The following NDUFB6 variants were observed in gnomAD, a reference collection of about 807,000 sequenced individuals.
NDUFB6 encodes the protein NADH dehydrogenase [ubiquinone] 1 beta subcomplex subunit 6.
NDUFB6 carries 23 observed loss-of-function variants against 17.5 expected under a neutral mutation model. That is an observed-to-expected ratio of 1.31 (90% CI 0.94 to 1.86). The LOEUF is 1.86. Ranked by LOEUF, NDUFB6 falls within the 40% of genes most tolerant of loss-of-function variation. The pLI, the probability that NDUFB6 is intolerant of heterozygous loss-of-function variation, is 0.00. For synonymous variants in NDUFB6, 60 were observed against 53.5 expected (o/e 1.12, Z -0.53); for missense variants, 167 against 153.8 (o/e 1.09, Z -0.46).
intron 2 of NDUFB6, among the ~76,000 whole-genome samples, chr9:32,564,305 T>G (rs1317881706): frequency 6.6e-6 from 1 of 152,148 alleles, no homozygotes; most frequent in Non-Finnish European, 1.5e-5. Context: ...CTGTGTCCCT[T>G]TATCATCAAC....
At chr9:32,558,809 G>A in intron 3 of NDUFB6, 101 bp downstream of exon 3, 1 of 805,284 alleles carries the variant, frequency 1.2e-6, no homozygotes, top group Non-Finnish European at 1.9e-6. Flanking sequence ...AACCGAAAGT[G>A]AGAAGGAAAG....
At chr9:32,553,990 G>C (rs1821382160) in intron 3 of NDUFB6, 46 bp from the exon 4 acceptor site, 1 of 1,226,384 alleles carries the variant, frequency 8.2e-7, no homozygotes. Context: ...TAAGTCTACA[G>C]AGGTGATAGT....
chr9:32,556,534 T>C (rs893640028), intron 3 of NDUFB6, among the ~76,000 whole-genome samples: 1 of 152,180 alleles, frequency 6.6e-6, no homozygotes, highest in Non-Finnish European at 1.5e-5. Context: ...ATTCTAAACA[T>C]ATATACAATG....
chr9:32,564,108 C>T (rs748719563), intron 2 of NDUFB6, among the ~76,000 whole-genome samples: 13 of 152,162 alleles, frequency 8.5e-5, no homozygotes, highest in Non-Finnish European at 1.6e-4. Context: ...TCTCAGTGGA[C>T]ATAGCTAGAG....
intron 3 of NDUFB6, among the ~76,000 whole-genome samples, chr9:32,556,535 A>G (rs1438802342): frequency 6.6e-6 from 1 of 152,220 alleles, no homozygotes; most frequent in Non-Finnish European, 1.5e-5. Flanking sequence ...TTCTAAACAT[A>G]TATACAATGA....
intron 3 of NDUFB6, among the ~76,000 whole-genome samples, chr9:32,554,589 A>C (rs1821404110): frequency 6.6e-6 from 1 of 152,202 alleles, no homozygotes; most frequent in Non-Finnish European, 1.5e-5. Flanking sequence ...ATGACTGGGA[A>C]GAGTAGAATT....
chr9:32,563,664 A>G (rs1014413565), intron 2 of NDUFB6, among the ~76,000 whole-genome samples: 27 of 152,068 alleles, frequency 1.8e-4, no homozygotes, highest in African/African-American at 6.0e-4. Flanking sequence ...TGAATTAAAT[A>G]TTACTATGAT....
In NDUFB6 at chr9:32,570,058, T is replaced by C. The variant is rs764534714; in HGVS notation, c.273+902A>G. Among the ~76,000 whole-genome samples the C allele has an allele frequency of 6.1e-4, 93 of 152,012 alleles. 1 individual carries two copies. Among genetic ancestry groups the C allele is most frequent in the Non-Finnish European group, 2.5e-4 (17 of 67,990 alleles). On this transcript the variant is annotated intron_variant, in intron 2 of 3. Transcript: ENST00000379847. ...GGCCAATCTCCCTATATATAACCCATCTCCTGTCACCACAACCACATCCCA... is the reference window on the plus strand; with the variant it reads ...GGCCAATCTCCCTATATATAACCCACCTCCTGTCACCACAACCACATCCCA...
intron 2 of NDUFB6, among the ~76,000 whole-genome samples, chr9:32,560,706 A>G (rs1821601155): frequency 6.6e-6 from 1 of 152,232 alleles, no homozygotes; most frequent in Non-Finnish European, 1.5e-5. Flanking sequence ...AATACAATTT[A>G]AAATATTTAA....
intron 2 of NDUFB6, 80 bp downstream of exon 2, chr9:32,570,880 C>A: frequency 1.1e-6 from 1 of 880,364 alleles, no homozygotes. Flanking sequence ...CAGATTATTT[C>A]CACTAAGTAG....
Position 32,558,116 on chromosome 9 carries a change from C to CTTTTTTTTT in NDUFB6, c.318+793_318+794insAAAAAAAAA, listed in dbSNP as rs1563992291. On this transcript the variant is annotated intron_variant, in intron 3 of 3. Coordinates refer to ENST00000379847, the MANE Select transcript of NDUFB6 (RefSeq NM_002493.5). ...CTATAGCTCACACATTCATAGTATACATTTTTTTTTTTTGAGACGGAGTCT... is the reference window on the plus strand; with the variant it reads ...CTATAGCTCACACATTCATAGTATACTTTTTTTTTATTTTTTTTTTTTGAGACGGAGTCT... 7.3e-3 allele frequency among the ~76,000 whole-genome samples: 630 copies of CTTTTTTTTT among 86,522 alleles called. 13 individuals are homozygous for CTTTTTTTTT. The highest frequency in any genetic ancestry group is 0.022 in the African/African-American group (593 of 27,074). The allele number at this position is 86,522 out of a possible 152,430, so 56.8% of individuals were successfully genotyped here.
intron 1 of NDUFB6, among the ~76,000 whole-genome samples, chr9:32,572,083 T>G (rs1821951666): frequency 6.6e-6 from 1 of 152,290 alleles, no homozygotes; most frequent in East Asian, 1.9e-4. Context: ...CTTACAGGAA[T>G]AAAGAAATGA....
chr9:32,562,587 C>T (rs1340236299), intron 2 of NDUFB6, among the ~76,000 whole-genome samples: 1 of 152,150 alleles, frequency 6.6e-6, no homozygotes, highest in East Asian at 1.9e-4. Context: ...CATAAAGCTG[C>T]AAGAATGAAA....
At chr9:32,566,176 C>A in intron 2 of NDUFB6, 1 of 728,232 alleles carries the variant, frequency 1.4e-6, no homozygotes, top group South Asian at 1.5e-5. Context: ...AGGCCACTTC[C>A]TCTTCAACCT....
chr9:32,563,229 G>A lies in NDUFB6; in HGVS notation c.274-4275C>T, dbSNP rs143105628. On this transcript the variant is annotated intron_variant, in intron 2 of 3. Coordinates refer to ENST00000379847, the MANE Select transcript of NDUFB6 (RefSeq NM_002493.5). The stretch of plus-strand genomic sequence containing the variant: ...ATTTAGACCCCTTGACTAAGGTGGC[G>A]TCTGCCAGATTTCTCTACTACAAAG... Among the ~76,000 whole-genome samples, 755 of 152,222 alleles carry A rather than the reference G, an allele frequency of 5.0e-3. 9 individuals are homozygous for A. The highest frequency in any genetic ancestry group is 0.017 in the African/African-American group (696 of 41,520).
rs144236792 is a variant in NDUFB6, at chr9:32,563,135, TA to T, written c.274-4182del. 5.4e-3 allele frequency among the ~76,000 whole-genome samples: 821 copies of T among 152,290 alleles called. 7 individuals are homozygous for T. The highest frequency in any genetic ancestry group is 0.019 in the African/African-American group (778 of 41,548). On this transcript the variant is annotated intron_variant, in intron 2 of 3. Transcript: ENST00000379847. ...ACCTTTGGCAGGAATATCACAAAAG[TA>T]ATGCTGTGTTCTTATTGCAGCCTAT...
At chr9:32,557,394 C>G (rs1307272529) in intron 3 of NDUFB6, among the ~76,000 whole-genome samples, 1 of 147,958 alleles carries the variant, frequency 6.8e-6, no homozygotes, top group African/African-American at 2.5e-5. Flanking sequence ...GTCTCGAACC[C>G]CTAGCCTCAA....
chr9:32,563,028 T>C (rs1289657761), intron 2 of NDUFB6, among the ~76,000 whole-genome samples: 2 of 152,264 alleles, frequency 1.3e-5, no homozygotes, highest in Admixed American at 1.3e-4. Context: ...ATGCCAATAA[T>C]GAGGGAGAAC....
chr9:32,568,958 C>T (rs1227827800), intron 2 of NDUFB6, among the ~76,000 whole-genome samples: 3 of 151,714 alleles, frequency 2.0e-5, no homozygotes, highest in Non-Finnish European at 4.4e-5. Context: ...ACCATCTTGG[C>T]CAGGGTGGTC....
Sources: allele counts gnomAD v4.1 joint callset (sites outside exome capture counted in the v4.1 genomes callset), GRCh38; gene constraint gnomAD v4.1.1; transcripts MANE v1.5; gene names NCBI Gene and HGNC (gene_info 2026-07-23, HGNC 2026-07-21).